The following KSR2 variants were observed in gnomAD, a reference collection of about 807,000 sequenced individuals.
KSR2 encodes kinase suppressor of ras 2.
KSR2 carries 25 observed loss-of-function variants against 107.8 expected under a neutral mutation model. That is an observed-to-expected ratio of 0.23 (90% CI 0.17 to 0.32). The LOEUF (loss-of-function observed/expected upper bound fraction) is 0.32. Among genes scored for constraint, KSR2 ranks in the 10% least tolerant of loss-of-function variants. The pLI, the probability that KSR2 is intolerant of heterozygous loss-of-function variation, is 1.00. For synonymous variants in KSR2, 480 were observed against 507.0 expected (o/e 0.95, Z 0.71); for missense variants, 887 against 1,268.9 (o/e 0.70, Z 4.57).
chr12:117,508,602 A>T (rs994976681), intron 14 of KSR2, among the ~76,000 whole-genome samples: 1 of 151,888 alleles, frequency 6.6e-6, no homozygotes, highest in African/African-American at 2.4e-5. Flanking sequence ...AGGGTAGGTG[A>T]ATGGATGGGT....
intron 14 of KSR2, among the ~76,000 whole-genome samples, chr12:117,511,461 C>A (rs150544525): frequency 1.4e-4 from 21 of 152,302 alleles, no homozygotes; most frequent in African/African-American, 2.9e-4. Context: ...TGACCCAGTA[C>A]AGCCTGGCAG....
chr12:117,939,089 G>A (rs1326626832), intron 1 of KSR2, among the ~76,000 whole-genome samples: 1 of 152,152 alleles, frequency 6.6e-6, no homozygotes, highest in Admixed American at 6.6e-5. Context: ...CAGAGCTAGG[G>A]CAAGGCAGAT....
At chr12:117,820,527 T>C (rs1377975475) in intron 3 of KSR2, among the ~76,000 whole-genome samples, 1 of 152,174 alleles carries the variant, frequency 6.6e-6, no homozygotes, top group African/African-American at 2.4e-5. Context: ...AATCAGATCG[T>C]TGTCTTGCAA....
At chr12:117,585,223 T>C (rs1879918240) in intron 5 of KSR2, among the ~76,000 whole-genome samples, 1 of 152,194 alleles carries the variant, frequency 6.6e-6, no homozygotes, top group Admixed American at 6.5e-5. Flanking sequence ...GATGCTTCTC[T>C]GCTTGTCTAG....
chr12:117,824,278 C>A (rs558403053), intron 3 of KSR2, among the ~76,000 whole-genome samples: 1 of 151,658 alleles, frequency 6.6e-6, no homozygotes, highest in East Asian at 1.9e-4. Context: ...GGGGGTATGA[C>A]GACAAGTTGG....
At chr12:117,888,332 T>C (rs774081897) in intron 1 of KSR2, among the ~76,000 whole-genome samples, 1 of 152,136 alleles carries the variant, frequency 6.6e-6, no homozygotes, top group Non-Finnish European at 1.5e-5. Context: ...AAGTATGCTC[T>C]CCAAAAGGAC....
intron 4 of KSR2, among the ~76,000 whole-genome samples, chr12:117,734,344 T>A (rs1282274777): frequency 6.7e-6 from 1 of 150,072 alleles, no homozygotes; most frequent in African/African-American, 2.5e-5. Context: ...TTCTCTGGAA[T>A]GTACAGAGAG....
At chr12:117,703,095 G>T (rs1288032455) in intron 4 of KSR2, among the ~76,000 whole-genome samples, 1 of 152,106 alleles carries the variant, frequency 6.6e-6, no homozygotes, top group Non-Finnish European at 1.5e-5. Flanking sequence ...AGAAAGCCAG[G>T]ATCAAACCAG....
At chr12:117,610,297 G>A (rs1003464731) in intron 5 of KSR2, among the ~76,000 whole-genome samples, 8 of 152,054 alleles carry the variant, frequency 5.3e-5, no homozygotes, top group Non-Finnish European at 8.8e-5. Flanking sequence ...ACGGATGCTC[G>A]CAAAGCTCTG....
At chr12:117,753,817 T>TA (rs71099077) in intron 4 of KSR2, among the ~76,000 whole-genome samples, 139 of 142,818 alleles carry the variant, frequency 9.7e-4, no homozygotes, top group Non-Finnish European at 1.3e-3. Context: ...AAATGAAAGT[T>TA]AAAAAAAAAA....
rs117883040 is a variant in KSR2, at chr12:117,798,264, G to C, written c.473-36740C>G. On this transcript the variant is annotated intron_variant, in intron 3 of 19. Coordinates refer to ENST00000339824, the MANE Select transcript of KSR2 (RefSeq NM_173598.6). Reference sequence around the variant, plus strand: ...CAGCTACTCAGTCTCTCATATCCGCGCTTCTGCCTGGACTGGTTCCTGTTC... The same window carrying C: ...CAGCTACTCAGTCTCTCATATCCGCCCTTCTGCCTGGACTGGTTCCTGTTC... Among the ~76,000 whole-genome samples, 3 of 152,120 alleles carry C rather than the reference G, an allele frequency of 2.0e-5. 1 individual carries two copies. The highest frequency in any genetic ancestry group is 2.0e-4 in the Admixed American group (3 of 15,274).
chr12:117,484,427 C>T lies in KSR2; in HGVS notation c.2439G>A (p.Leu813=), dbSNP rs776951477. 3.7e-6 allele frequency: 6 copies of T among 1,613,906 alleles called. No homozygotes were observed. Among genetic ancestry groups the T allele is most frequent in the Non-Finnish European group, 5.1e-6 (6 of 1,179,830 alleles). The change falls in exon 16 of 20, where the codon CTG becomes CTA. Residue 813 remains leucine (L), a synonymous_variant. Coordinates refer to ENST00000339824, the MANE Select transcript of KSR2 (RefSeq NM_173598.6). ...CCACTGCCTCTCACCTGCCAGCCTG[C>T]AGCACCCCAGAAATGCTGAAGAGTC... ...DFGLFSISGV[L]QAGRREDKLR... is the part of the protein sequence containing the mutation.
chr12:117,809,329 G>A (rs909543778), intron 3 of KSR2, among the ~76,000 whole-genome samples: 7 of 151,948 alleles, frequency 4.6e-5, no homozygotes, highest in Admixed American at 3.9e-4. Context: ...TGGGGGTTGC[G>A]CTGTCCTGTG....
chr12:117,517,302 A>C (rs930933825), intron 14 of KSR2, among the ~76,000 whole-genome samples: 1 of 152,248 alleles, frequency 6.6e-6, no homozygotes, highest in Non-Finnish European at 1.5e-5. Flanking sequence ...ATATTCTGGG[A>C]CAAATGCCTG....
intron 3 of KSR2, among the ~76,000 whole-genome samples, chr12:117,796,831 T>A (rs1188221150): frequency 6.6e-6 from 1 of 152,144 alleles, no homozygotes; most frequent in Admixed American, 6.5e-5. Context: ...AGAACCCCCA[T>A]GGCATTCAGT....
chr12:117,627,935 CT>C (rs1882609220), intron 5 of KSR2, among the ~76,000 whole-genome samples: 1 of 152,138 alleles, frequency 6.6e-6, no homozygotes. Flanking sequence ...TGTTTTCTTG[CT>C]TTATTTCATT....
chr12:117,482,130 A>T (rs773640365), intron 16 of KSR2, among the ~76,000 whole-genome samples: 1 of 152,172 alleles, frequency 6.6e-6, no homozygotes, highest in Non-Finnish European at 1.5e-5. Flanking sequence ...GACTACCCTG[A>T]GACTGCCATG....
At chr12:117,927,804 A>G (rs1450473729) in intron 1 of KSR2, among the ~76,000 whole-genome samples, 1 of 152,236 alleles carries the variant, frequency 6.6e-6, no homozygotes, top group African/African-American at 2.4e-5. Context: ...CTAGAAAGTC[A>G]TTCTGCCCTC....
chr12:117,651,938 G>A (rs1883921576), intron 5 of KSR2, among the ~76,000 whole-genome samples: 1 of 152,210 alleles, frequency 6.6e-6, no homozygotes, highest in South Asian at 2.1e-4. Flanking sequence ...GGATCCCAAG[G>A]TGGCAAGGGC....
Sources: gnomAD v4.1 joint callset for allele counts (sites outside exome capture counted in the v4.1 genomes callset) on GRCh38, gnomAD v4.1.1 for gene constraint, MANE v1.5 for transcripts, NCBI Gene and HGNC (gene_info 2026-07-23, HGNC 2026-07-21) for gene names.